AQR: variants seen among roughly 807,000 people sequenced by gnomAD.
The protein encoded by AQR is RNA helicase aquarius.
Under a neutral mutation model 180.5 loss-of-function variants are expected in AQR, and 61 were observed. The observed-to-expected ratio is 0.34, with a 90% CI of 0.28 to 0.42. The LOEUF is 0.42. Among genes scored for constraint, AQR ranks in the 10% least tolerant of loss-of-function variants. The probability of loss-of-function intolerance (pLI) is 1.00; values close to 1 mark genes in which losing one functional copy is unlikely to be tolerated. For synonymous variants in AQR, 551 were observed against 588.8 expected (o/e 0.94, Z 0.93); for missense variants, 1,281 against 1,798.3 (o/e 0.71, Z 5.20).
chr15:34,942,627 A>T (rs1026477603), intron 6 of AQR, among the ~76,000 whole-genome samples: 5 of 152,248 alleles, frequency 3.3e-5, no homozygotes, highest in Non-Finnish European at 7.3e-5. Context: ...AGCTTCGTTC[A>T]GGCATAATTA....
intron 13 of AQR, among the ~76,000 whole-genome samples, chr15:34,921,452 A>T (rs1270023584): frequency 6.7e-6 from 1 of 150,290 alleles, no homozygotes; most frequent in Non-Finnish European, 1.5e-5. Flanking sequence ...AAAAAAAAAA[A>T]ATGACAAACT....
At position 34,892,450 on chromosome 15, in the gene AQR, T is replaced by C. The variant is rs574553838; in HGVS notation, c.2571+1213A>G. Among the ~76,000 whole-genome samples the C allele has an allele frequency of 3.9e-5, 6 of 152,310 alleles. No homozygotes were observed. In the South Asian group the frequency reaches 1.2e-3, roughly 32 times the overall value. On this transcript the variant is annotated intron_variant, in intron 23 of 34. Coordinates refer to ENST00000156471, the MANE Select transcript of AQR (RefSeq NM_014691.3). ...TTAGTGTAGAAGGAAAAAATAGCAA[T>C]TTAATTTAATCCAAATATCTAACCA...
chr15:34,901,086 C>T (rs1893325526), intron 19 of AQR, among the ~76,000 whole-genome samples: 2 of 152,110 alleles, frequency 1.3e-5, no homozygotes, highest in African/African-American at 4.8e-5. Flanking sequence ...TTAGCAAGAA[C>T]AGTTTATCCG....
chr15:34,863,004 T>C lies in AQR; in HGVS notation c.3892A>G (p.Arg1298Gly). Reference sequence around the variant, plus strand: ...CTGGCGAAGATATAAAGTCCAAGTCTGGCTCTAGACATGGCCACTACCAAG... The same window carrying C: ...CTGGCGAAGATATAAAGTCCAAGTCCGGCTCTAGACATGGCCACTACCAAG... ...RRLVVAMSRA[R>G]LGLYIFARVS... The change falls in exon 33 of 35, where the codon AGA (arginine) becomes GGA (glycine). Residue 1298 changes from arginine to glycine, a missense_variant. By Grantham distance (125) the Arg-to-Gly change is moderately radical. This residue lies in a region of AQR where 197 missense variants were observed against 320.7 expected (regional missense o/e 0.61). Transcript: ENST00000156471. 1 of 1,613,736 alleles carries C rather than the reference T, an allele frequency of 6.2e-7. No individual in the cohort carries two copies. Among genetic ancestry groups the C allele is most frequent in the Admixed American group, 1.7e-5 (1 of 59,966 alleles).
chr15:34,915,012 A>T, intron 16 of AQR, 26 bp downstream of exon 16: 1 of 1,580,908 alleles, frequency 6.3e-7, no homozygotes, highest in Non-Finnish European at 8.6e-7. Context: ...GCATCTCTTC[A>T]TTACAGGTGG....
intron 27 of AQR, among the ~76,000 whole-genome samples, chr15:34,880,298 G>A (rs1038748034): frequency 6.6e-6 from 1 of 152,174 alleles, no homozygotes; most frequent in Admixed American, 6.5e-5. Flanking sequence ...ACGGGAGGAT[G>A]TATTCTACTA....
At chr15:34,857,444 C>T (rs1892603079) in intron 34 of AQR, among the ~76,000 whole-genome samples, 2 of 152,208 alleles carry the variant, frequency 1.3e-5, no homozygotes, top group African/African-American at 2.4e-5. Flanking sequence ...AAGAAAGGGT[C>T]AACTTTAATC....
chr15:34,926,072 C>G (rs1305410823), intron 13 of AQR, among the ~76,000 whole-genome samples: 2 of 152,032 alleles, frequency 1.3e-5, no homozygotes, highest in African/African-American at 4.8e-5. Flanking sequence ...GAGGCTGAGG[C>G]AGGAGAATGG....
intron 21 of AQR, 60 bp from the exon 22 acceptor site, chr15:34,897,026 T>G: frequency 7.3e-7 from 1 of 1,365,028 alleles, no homozygotes; most frequent in Non-Finnish European, 1.0e-6. Flanking sequence ...ATAATACAAA[T>G]TTAGACAACA....
chr15:34,893,067 C>A (rs1388241885), intron 23 of AQR, among the ~76,000 whole-genome samples: 1 of 152,098 alleles, frequency 6.6e-6, no homozygotes, highest in Non-Finnish European at 1.5e-5. Context: ...TTCATGAATC[C>A]TCTGCTCCTT....
chr15:34,902,727 T>C (rs550045916), intron 19 of AQR, among the ~76,000 whole-genome samples: 1 of 152,262 alleles, frequency 6.6e-6, no homozygotes, highest in Admixed American at 6.5e-5. Flanking sequence ...CTGAGATTTA[T>C]TTACTGAAAA....
intron 31 of AQR, chr15:34,869,724 CTTTTGA>C (rs1892787056): frequency 6.6e-6 from 1 of 152,074 alleles, no homozygotes; most frequent in Admixed American, 6.6e-5. Context: ...CCCTGTATTC[CTTTTGA>C]TTTTGTTTTC....
chr15:34,857,110 AT>A lies in AQR; in HGVS notation c.4144-5del, dbSNP rs762695504. On this transcript the variant is annotated splice_region_variant and splice_polypyrimidine_tract_variant and intron_variant, in intron 34 of 34. Coordinates refer to ENST00000156471, the MANE Select transcript of AQR (RefSeq NM_014691.3). ...CAGGTGGTAGTTGTAATAAAGTCTA[AT>A]TAAAAAAAAAAAAACAAAGACAATA... The A allele has an allele frequency of 2.0e-6, 3 of 1,534,134 alleles. No individual in the cohort carries two copies. The South Asian group carries it at 3.8e-5, about 19-fold the overall frequency.
intron 24 of AQR, among the ~76,000 whole-genome samples, chr15:34,888,877 T>C (rs1250756097): frequency 2.0e-5 from 3 of 152,224 alleles, no homozygotes; most frequent in African/African-American, 7.2e-5. Flanking sequence ...ACAATAGTCA[T>C]AATTTTTCTT....
chr15:34,865,128 A>G (rs1188185572), intron 32 of AQR, among the ~76,000 whole-genome samples: 1 of 152,186 alleles, frequency 6.6e-6, no homozygotes, highest in East Asian at 1.9e-4. Flanking sequence ...TATGGGCTAC[A>G]ACATTCTTTC....
chr15:34,930,842 TTTTTTTTG>T (rs1893845554), intron 11 of AQR, among the ~76,000 whole-genome samples: 1 of 34,666 alleles, frequency 2.9e-5, no homozygotes, highest in African/African-American at 7.8e-5. Context: ...TTTTTTTTTT[TTTTTTTTG>T]GTCTGAGACG....
At chr15:34,869,031 G>C (rs566510625) in intron 31 of AQR, 1 of 152,130 alleles carries the variant, frequency 6.6e-6, no homozygotes, top group African/African-American at 2.4e-5. Flanking sequence ...TTGCTGAGCT[G>C]TACAGTAAGT....
At chr15:34,961,182 G>A (rs376313466) in intron 2 of AQR, among the ~76,000 whole-genome samples, 34 of 152,168 alleles carry the variant, frequency 2.2e-4, no homozygotes, top group African/African-American at 7.9e-4. Context: ...AACCCAGAGA[G>A]AAAATAATTT....
rs571508133 is a variant in AQR at position 34,955,556 on chromosome 15, C to A, written c.174-2636G>T. ...CTTGACATTATTAACTTCTGAGCTA[C>A]CTACTTCCAGATCTGTTAAGCAGAT... On this transcript the variant is annotated intron_variant, in intron 3 of 34. Transcript: ENST00000156471. Among the ~76,000 whole-genome samples, 5 of 152,268 alleles carry A rather than the reference C, an allele frequency of 3.3e-5. No individual in the cohort carries two copies. In the South Asian group the frequency reaches 6.2e-4, roughly 19 times the overall value.
Sources: allele counts gnomAD v4.1 joint callset (sites outside exome capture counted in the v4.1 genomes callset), GRCh38; gene constraint gnomAD v4.1.1; regional missense constraint gnomAD v4.1.1; transcripts MANE v1.5; gene names NCBI Gene and HGNC (gene_info 2026-07-23, HGNC 2026-07-21).